SLC35F1: variants seen among roughly 807,000 people sequenced by gnomAD.
SLC35F1 encodes the protein chromosome 6 open reading frame 169.
In SLC35F1, 14 loss-of-function variants were observed where a neutral mutation model predicts 48.7. The ratio of observed to expected loss-of-function variants is 0.29; its 90% CI spans 0.19 to 0.45. The LOEUF is 0.45. Ranked by LOEUF, SLC35F1 falls within the 20% of genes least tolerant of loss-of-function variation. SLC35F1 has a pLI of 1.00. For synonymous variants in SLC35F1, 190 were observed against 202.2 expected, an observed-to-expected ratio of 0.94 and a Z score of 0.51; for missense variants, 404 against 500.0, an observed-to-expected ratio of 0.81 and a Z score of 1.83.
chr6:118,051,112 GA>G (rs546916413), intron 1 of SLC35F1, among the ~76,000 whole-genome samples: 219 of 152,078 alleles, frequency 1.4e-3, no homozygotes, highest in African/African-American at 5.1e-3. Context: ...AGGAAATGAA[GA>G]AAAAAAGAAT....
At chr6:117,934,899 G>GTC (rs200201868) in intron 1 of SLC35F1, among the ~76,000 whole-genome samples, 10,886 of 152,134 alleles carry the variant, frequency 0.072, 1,303 homozygotes, top group African/African-American at 0.25. Context: ...CTGAGGTCAG[G>GTC]AGTTCGAGAC....
chr6:118,139,060 T>C (rs904738158), intron 1 of SLC35F1, among the ~76,000 whole-genome samples: 1 of 152,158 alleles, frequency 6.6e-6, no homozygotes, highest in Non-Finnish European at 1.5e-5. Context: ...TTCACAGTCA[T>C]GACGAAAACT....
chr6:117,955,127 TAACA>T (rs1776412741), intron 1 of SLC35F1, among the ~76,000 whole-genome samples: 1 of 152,208 alleles, frequency 6.6e-6, no homozygotes, highest in South Asian at 2.1e-4. Context: ...TTAAGTTGAC[TAACA>T]TTTTTACATG....
chr6:118,002,408 A>G (rs925564725), intron 1 of SLC35F1, among the ~76,000 whole-genome samples: 1 of 151,768 alleles, frequency 6.6e-6, no homozygotes, highest in Non-Finnish European at 1.5e-5. Flanking sequence ...CAATGAGAAC[A>G]CATGGACACA....
intron 2 of SLC35F1, among the ~76,000 whole-genome samples, chr6:118,224,161 GT>G (rs749699902): frequency 1.4e-4 from 22 of 152,274 alleles, no homozygotes; most frequent in Non-Finnish European, 2.8e-4. Context: ...TGAATACATA[GT>G]TTCATTATGA....
At chr6:118,153,922 G>T (rs1395624999) in intron 1 of SLC35F1, among the ~76,000 whole-genome samples, 1 of 152,142 alleles carries the variant, frequency 6.6e-6, no homozygotes. Context: ...AGGGATTTGT[G>T]TAGCCCCTTC....
intron 2 of SLC35F1, among the ~76,000 whole-genome samples, chr6:118,217,591 C>A (rs544950800): frequency 1.3e-5 from 2 of 152,216 alleles, no homozygotes; most frequent in Non-Finnish European, 1.5e-5. Flanking sequence ...TGTCCCTGAA[C>A]TGTGCACTTA....
intron 1 of SLC35F1, among the ~76,000 whole-genome samples, chr6:118,050,697 G>A (rs749162056): frequency 3.9e-5 from 6 of 152,166 alleles, no homozygotes; most frequent in African/African-American, 1.4e-4. Context: ...AAGGGGAATG[G>A]GGACTAGCAG....
At chr6:118,269,607 CA>C (rs1340860479) in intron 4 of SLC35F1, among the ~76,000 whole-genome samples, 1 of 152,072 alleles carries the variant, frequency 6.6e-6, no homozygotes, top group Non-Finnish European at 1.5e-5. Context: ...AAAATTGTTA[CA>C]TATCATTATC....
chr6:117,922,991 T>C (rs981256029), intron 1 of SLC35F1, among the ~76,000 whole-genome samples: 1 of 152,160 alleles, frequency 6.6e-6, no homozygotes, highest in Non-Finnish European at 1.5e-5. Flanking sequence ...TAAAATATGT[T>C]CAGGACCCTC....
At chr6:118,244,228 T>C (rs2114595024) in intron 3 of SLC35F1, among the ~76,000 whole-genome samples, 1 of 152,304 alleles carries the variant, frequency 6.6e-6, no homozygotes, top group South Asian at 2.1e-4. Context: ...CCACAGAAGG[T>C]GATGCAGGAC....
At chr6:118,008,526 G>A (rs1171115131) in intron 1 of SLC35F1, among the ~76,000 whole-genome samples, 2 of 152,202 alleles carry the variant, frequency 1.3e-5, no homozygotes, top group South Asian at 4.1e-4. Context: ...GTTACAGCAT[G>A]TGGCTGCCAT....
rs937734071 is a variant in SLC35F1, at chr6:117,963,284, C to T, written c.173+55385C>T. ...GACAACATATGCAAAGTTCTCAGCA[C>T]CCTAAGTTTTGGCGTAAAGTAAATA... On this transcript the variant is annotated intron_variant, in intron 1 of 7. Transcript: ENST00000360388. Among the ~76,000 whole-genome samples, 4 of 151,824 alleles carry T rather than the reference C, an allele frequency of 2.6e-5. No homozygotes were observed. In the East Asian group the frequency reaches 5.8e-4, roughly 22 times the overall value.
intron 1 of SLC35F1, among the ~76,000 whole-genome samples, chr6:118,061,521 A>G (rs73525652): frequency 0.055 from 8,306 of 152,022 alleles, 784 homozygotes; most frequent in African/African-American, 0.19. Flanking sequence ...CCTGTTAAAC[A>G]TAGCTGTAGG....
intron 1 of SLC35F1, among the ~76,000 whole-genome samples, chr6:117,948,678 G>T (rs1033246020): frequency 6.6e-6 from 1 of 152,112 alleles, no homozygotes; most frequent in East Asian, 1.9e-4. Context: ...ATAACTGCCT[G>T]CCCTGAAAGA....
At position 118,116,188 on chromosome 6, in the gene SLC35F1, T is replaced by G. The variant is rs933282490; in HGVS notation, c.174-38257T>G. Among the ~76,000 whole-genome samples the G allele has an allele frequency of 3.3e-5, 5 of 152,168 alleles. No individual in the cohort carries two copies. The South Asian group carries it at 1.0e-3, about 32-fold the overall frequency. ...GGAGAGGTAGTATAGGTAAGAGGTA[T>G]GCCACTTTATAGAGTGGGAGAATGA... On this transcript the variant is annotated intron_variant, in intron 1 of 7. Transcript: ENST00000360388.
At chr6:118,249,908 C>T (rs1305077128) in intron 3 of SLC35F1, among the ~76,000 whole-genome samples, 1 of 152,122 alleles carries the variant, frequency 6.6e-6, no homozygotes, top group African/African-American at 2.4e-5. Context: ...GGCCAGAGAA[C>T]GATGACAGGA....
rs144202874 is a variant in SLC35F1 at position 118,031,634 on chromosome 6, C to T, written c.174-122811C>T. On this transcript the variant is annotated intron_variant, in intron 1 of 7. Coordinates refer to ENST00000360388, the MANE Select transcript of SLC35F1 (RefSeq NM_001029858.4). ...GAGCTGGAGTTAGGGTAGAAGAAAA[C>T]GGCTTTATTGAAGCGACAGTGTTAC... Among the ~76,000 whole-genome samples the T allele has an allele frequency of 1.4e-4, 21 of 152,246 alleles. No individual in the cohort carries two copies. The East Asian group carries it at 2.7e-3, about 20-fold the overall frequency.
chr6:118,072,222 G>A (rs747624920), intron 1 of SLC35F1, among the ~76,000 whole-genome samples: 1 of 151,694 alleles, frequency 6.6e-6, no homozygotes, highest in Non-Finnish European at 1.5e-5. Context: ...TTATTTTTTT[G>A]TTCCTTTTAC....
Sources: allele counts gnomAD v4.1 joint callset (sites outside exome capture counted in the v4.1 genomes callset), GRCh38; gene constraint gnomAD v4.1.1; transcripts MANE v1.5; gene names NCBI Gene and HGNC (gene_info 2026-07-23, HGNC 2026-07-21).